Variants in NXPH1 observed in about 807,000 individuals in gnomAD.
NXPH1 encodes the protein neurexophilin-1.
Under a neutral mutation model 23.7 loss-of-function variants are expected in NXPH1, and 5 were observed. The observed-to-expected ratio is 0.21, with a 90% CI of 0.11 to 0.44. The LOEUF (loss-of-function observed/expected upper bound fraction) is 0.44. NXPH1 is among the 20% of genes least tolerant of loss of function. NXPH1 has a pLI of 0.99. For missense variants in NXPH1, 324 were observed against 321.6 expected, an observed-to-expected ratio of 1.01 and a Z score of -0.06; for synonymous variants, 144 against 122.2, an observed-to-expected ratio of 1.18 and a Z score of -1.18.
intron 2 of NXPH1, among the ~76,000 whole-genome samples, chr7:8,714,828 T>G (rs1038350795): frequency 6.6e-6 from 1 of 152,076 alleles, no homozygotes; most frequent in African/African-American, 2.4e-5. Flanking sequence ...CATGACAAAG[T>G]CCTCTTTACT....
At chr7:8,536,927 C>G (rs547174191) in intron 2 of NXPH1, among the ~76,000 whole-genome samples, 1 of 151,910 alleles carries the variant, frequency 6.6e-6, no homozygotes, top group Admixed American at 6.6e-5. Flanking sequence ...AGATGGCAAG[C>G]CTTGATGGTG....
At chr7:8,694,353 A>G (rs900264166) in intron 2 of NXPH1, among the ~76,000 whole-genome samples, 2 of 152,210 alleles carry the variant, frequency 1.3e-5, no homozygotes, top group East Asian at 3.8e-4. Context: ...CTTTAGGGAA[A>G]ATGAATTTTT....
chr7:8,625,095 G>A (rs1199134125), intron 2 of NXPH1, among the ~76,000 whole-genome samples: 3 of 152,084 alleles, frequency 2.0e-5, no homozygotes, highest in African/African-American at 7.2e-5. Flanking sequence ...ATGTGTCACA[G>A]TTGCTTTGAC....
At chr7:8,627,477 C>T (rs1820017690) in intron 2 of NXPH1, among the ~76,000 whole-genome samples, 1 of 152,130 alleles carries the variant, frequency 6.6e-6, no homozygotes, top group Admixed American at 6.6e-5. Flanking sequence ...GTTGCCATGG[C>T]AGCAGCACCA....
Position 8,507,039 on chromosome 7 carries a change from C to T in NXPH1, c.54+71272C>T, listed in dbSNP as rs181069206. ...AGGGGAGTAGGATGAGGGCAGAGGT[C>T]ATCAGAAAGCCAAATGGGAAGCTAT... is the stretch of plus-strand genomic sequence containing the variant. On this transcript the variant is annotated intron_variant, in intron 2 of 2. Transcript: ENST00000405863. Among the ~76,000 whole-genome samples, 258 of 151,872 alleles carry T rather than the reference C, an allele frequency of 1.7e-3. 7 individuals carry two copies. Among genetic ancestry groups the T allele is most frequent in the African/African-American group, 5.8e-3 (241 of 41,336 alleles).
chr7:8,661,430 C>G (rs554328856), intron 2 of NXPH1, among the ~76,000 whole-genome samples: 9 of 152,068 alleles, frequency 5.9e-5, no homozygotes, highest in African/African-American at 2.2e-4. Context: ...AAAGCTTGTC[C>G]GACCCACCTT....
intron 2 of NXPH1, among the ~76,000 whole-genome samples, chr7:8,712,704 T>C (rs1779815456): frequency 6.6e-6 from 1 of 152,238 alleles, no homozygotes; most frequent in African/African-American, 2.4e-5. Flanking sequence ...ATGGGTTGTG[T>C]TATCAGCATG....
At chr7:8,698,717 T>G (rs1399769873) in intron 2 of NXPH1, among the ~76,000 whole-genome samples, 1 of 152,138 alleles carries the variant, frequency 6.6e-6, no homozygotes, top group African/African-American at 2.4e-5. Flanking sequence ...GAACCACAGA[T>G]CTATATAATT....
chr7:8,681,492 A>G (rs1334431581), intron 2 of NXPH1, among the ~76,000 whole-genome samples: 2 of 152,176 alleles, frequency 1.3e-5, no homozygotes, highest in African/African-American at 2.4e-5. Flanking sequence ...GGGAAAGTCC[A>G]TGAGTTGGAA....
In NXPH1 at chr7:8,434,434, C is replaced by T. The variant is rs1003112113; in HGVS notation, c.-432C>T. 3.2e-5 allele frequency: 5 copies of T among 154,298 alleles called. No homozygotes were observed. The highest frequency in any genetic ancestry group is 9.6e-5 in the African/African-American group (4 of 41,492). The allele number at this position is 154,298 out of a possible 1,614,324, so 9.6% of individuals were successfully genotyped here. A position where few individuals can be genotyped will look rare whatever the true frequency, so the allele number is the denominator to read the frequency against. ...GGCGCATTCCCCTCTCTCCCTCCCTCTTGCTCTCCCTCCCTTTCTGTCTTC... is the reference window on the plus strand; with the variant it reads ...GGCGCATTCCCCTCTCTCCCTCCCTTTTGCTCTCCCTCCCTTTCTGTCTTC... On this transcript the variant is annotated 5_prime_UTR_variant, in exon 1 of 3. Coordinates refer to ENST00000405863, the MANE Select transcript of NXPH1 (RefSeq NM_152745.3). The surrounding 1 kb of genome is among the most constrained non-coding windows in gnomAD (Gnocchi z 7.6).
chr7:8,701,201 C>T (rs777937295), intron 2 of NXPH1, among the ~76,000 whole-genome samples: 2 of 152,086 alleles, frequency 1.3e-5, no homozygotes, highest in African/African-American at 2.4e-5. Context: ...ATAACTCCTG[C>T]TTCTCTTCAA....
At chr7:8,548,072 A>G (rs929027215) in intron 2 of NXPH1, among the ~76,000 whole-genome samples, 2 of 151,584 alleles carry the variant, frequency 1.3e-5, no homozygotes, top group Admixed American at 1.3e-4. Context: ...ACTGTTTTAC[A>G]TAGAAATTCA....
At chr7:8,570,216 G>A (rs1010313104) in intron 2 of NXPH1, among the ~76,000 whole-genome samples, 1 of 151,912 alleles carries the variant, frequency 6.6e-6, no homozygotes, top group Non-Finnish European at 1.5e-5. Context: ...ATATAAAACT[G>A]TTAAATATCA....
chr7:8,664,129 T>G (rs1820724562), intron 2 of NXPH1, among the ~76,000 whole-genome samples: 1 of 152,092 alleles, frequency 6.6e-6, no homozygotes, highest in Admixed American at 6.6e-5. Context: ...GTATTTCCAC[T>G]CATTTTCTTC....
intron 2 of NXPH1, among the ~76,000 whole-genome samples, chr7:8,520,730 G>A (rs982012628): frequency 6.6e-6 from 1 of 152,132 alleles, no homozygotes; most frequent in Non-Finnish European, 1.5e-5. Context: ...CAGTGTTTCA[G>A]TTCTGAGCCT....
chr7:8,448,325 A>G (rs1386590760), intron 2 of NXPH1, among the ~76,000 whole-genome samples: 7 of 152,246 alleles, frequency 4.6e-5, no homozygotes, highest in Non-Finnish European at 1.0e-4. Context: ...TTTTAGAAAG[A>G]AGGGTTTCCG....
At chr7:8,682,346 G>C (rs745607436) in intron 2 of NXPH1, among the ~76,000 whole-genome samples, 1 of 152,182 alleles carries the variant, frequency 6.6e-6, no homozygotes, top group African/African-American at 2.4e-5. Context: ...GATCAGGAGA[G>C]TATGTGTTTT....
chr7:8,692,957 G>C (rs6971685), intron 2 of NXPH1, among the ~76,000 whole-genome samples: 1 of 151,858 alleles, frequency 6.6e-6, no homozygotes, highest in African/African-American at 2.4e-5. Flanking sequence ...ACAGAAGCCC[G>C]TTACAAGTAA....
intron 2 of NXPH1, among the ~76,000 whole-genome samples, chr7:8,660,357 C>CTTACTGAAGAG (rs2115161134): frequency 6.6e-6 from 1 of 152,228 alleles, no homozygotes; most frequent in East Asian, 1.9e-4. Context: ...CTTACTGAAC[C>CTTACTGAAGAG]TTTAGCTCTT....
Sources: gnomAD v4.1 joint callset for allele counts (sites outside exome capture counted in the v4.1 genomes callset) on GRCh38, gnomAD v4.1.1 for gene constraint, Gnocchi (gnomAD v3.1) non-coding constraint, MANE v1.5 for transcripts, NCBI Gene and HGNC (gene_info 2026-07-23, HGNC 2026-07-21) for gene names.